RAPSN: variants seen among roughly 807,000 people sequenced by gnomAD.
RAPSN encodes the protein receptor associated protein of the synapse.
In RAPSN, 33 loss-of-function variants were observed where a neutral mutation model predicts 45.7. That is an observed-to-expected ratio of 0.72 (90% CI 0.55 to 0.97). RAPSN has a LOEUF of 0.97. RAPSN is among the 50% of genes least tolerant of loss of function. RAPSN has a pLI of 0.00. For missense variants in RAPSN, 519 were observed against 559.4 expected, an observed-to-expected ratio of 0.93 and a Z score of 0.73; for synonymous variants, 244 against 233.6, an observed-to-expected ratio of 1.04 and a Z score of -0.40.
rs191758880 is a variant in RAPSN at position 47,442,610 on chromosome 11, C to G, written c.690+46G>C. The G allele has an allele frequency of 1.2e-5, 20 of 1,600,606 alleles. No homozygotes were observed. The Admixed American group carries it at 1.5e-4, about 12-fold the overall frequency. The stretch of plus-strand genomic sequence containing the variant: ...TGCTGTCCCAGGCCCCAGCCCCTGG[C>G]CCACACCACCTCATCCCCGACCTGC... On this transcript the variant is annotated intron_variant, in intron 3 of 7. Coordinates refer to ENST00000298854, the MANE Select transcript of RAPSN (RefSeq NM_005055.5).
rs866235694 is a variant in RAPSN at position 47,437,794 on chromosome 11, G to C, written c.*181C>G. 2.7e-6 allele frequency: 2 copies of C among 753,504 alleles called. No individual in the cohort carries two copies. Among genetic ancestry groups the C allele is most frequent in the Admixed American group, 2.2e-5 (1 of 45,412 alleles). The allele number at this position is 753,504 out of a possible 1,614,324, so 46.7% of individuals were successfully genotyped here. ...TACAAACAGTTTATTTTTCTATAAA[G>C]AGCAAAGTACAAAGAGGCAGGGAGG... On this transcript the variant is annotated 3_prime_UTR_variant, in exon 8 of 8. Coordinates refer to ENST00000298854, the MANE Select transcript of RAPSN (RefSeq NM_005055.5).
intron 2 of RAPSN, among the ~76,000 whole-genome samples, chr11:47,447,494 G>T (rs2076416959): frequency 6.6e-6 from 1 of 152,168 alleles, no homozygotes; most frequent in South Asian, 2.1e-4. Context: ...TCTCTCCCAA[G>T]GTTCAGAGAG....
chr11:47,437,827 G>A lies in RAPSN; in HGVS notation c.*148C>T, dbSNP rs1483484292. 5 of 932,318 alleles carry A rather than the reference G, an allele frequency of 5.4e-6. No homozygotes were observed. Among genetic ancestry groups the A allele is most frequent in the Non-Finnish European group, 8.5e-6 (5 of 591,572 alleles). The allele number at this position is 932,318 out of a possible 1,614,324, so 57.8% of individuals were successfully genotyped here. ...TACAAAGAGGCAGGGAGGGGAGCTG[G>A]GCCCAGGGGAGCAGCCCTGGGCAGG... On this transcript the variant is annotated 3_prime_UTR_variant, in exon 8 of 8. Coordinates refer to ENST00000298854, the MANE Select transcript of RAPSN (RefSeq NM_005055.5).
intron 7 of RAPSN, 103 bp downstream of exon 7, chr11:47,438,629 A>T: frequency 7.2e-7 from 1 of 1,388,928 alleles, no homozygotes; most frequent in Non-Finnish European, 9.9e-7. Flanking sequence ...GGCCAAGGTT[A>T]AGTGTTTGCT....
chr11:47,442,399 C>A (rs941465973), intron 3 of RAPSN, among the ~76,000 whole-genome samples: 1 of 152,218 alleles, frequency 6.6e-6, no homozygotes, highest in Non-Finnish European at 1.5e-5. Flanking sequence ...GTGGCTCATG[C>A]CTGGAATCCC....
At chr11:47,444,527 A>C (rs1314657010) in intron 2 of RAPSN, among the ~76,000 whole-genome samples, 1 of 152,030 alleles carries the variant, frequency 6.6e-6, no homozygotes, top group Non-Finnish European at 1.5e-5. Context: ...TGACAGAGCA[A>C]GATCCTGTCT....
chr11:47,438,712 A>T lies in RAPSN; in HGVS notation c.1166+20T>A. On this transcript the variant is annotated intron_variant, in intron 7 of 7. Coordinates refer to ENST00000298854, the MANE Select transcript of RAPSN (RefSeq NM_005055.5). ...GAAGAGATCCTGCCCACCCCTGTCC[A>T]CCCCCCCAGGAGCCCCCACCTGAGG... The T allele has an allele frequency of 6.5e-7, 1 of 1,549,856 alleles. No homozygotes were observed. The highest frequency in any genetic ancestry group is 8.7e-7 in the Non-Finnish European group (1 of 1,144,982).
rs753551147 is a variant in RAPSN, at chr11:47,438,861, C to G, written c.1037G>C (p.Arg346Pro). 1.3e-6 allele frequency: 2 copies of G among 1,567,788 alleles called. No individual in the cohort carries two copies. Among genetic ancestry groups the G allele is most frequent in the Non-Finnish European group, 1.7e-6 (2 of 1,155,808 alleles). ...YRSKGLQRELRAHVVRFHECV... is the reference protein window; with the variant it reads ...YRSKGLQRELPAHVVRFHECV... ...CTCGTGGAACCTCACAACGTGCGCC[C>G]GCAGTTCCCGCTGCAGCCCTTTGCT... The change falls in exon 7 of 8, where the codon CGG becomes CCG. Residue 346 changes from arginine (R) to proline (P), a missense_variant. Physicochemically the swap from Arg to Pro is moderately radical, Grantham distance 103. Coordinates refer to ENST00000298854, the MANE Select transcript of RAPSN (RefSeq NM_005055.5).
At chr11:47,443,697 C>T (rs2076382145) in intron 2 of RAPSN, among the ~76,000 whole-genome samples, 1 of 151,926 alleles carries the variant, frequency 6.6e-6, no homozygotes, top group Admixed American at 6.6e-5. Flanking sequence ...CTTTGGGAGG[C>T]CAAGACAGGA....
At position 47,442,772 on chromosome 11, in the gene RAPSN, G is replaced by C; in HGVS notation, c.574C>G (p.Leu192Val). Residue 192 changes from leucine to valine, a missense_variant, in exon 3 of 8, where the codon CTT (leucine) becomes GTT (valine). By Grantham distance (32) the Leu-to-Val change is conservative. Transcript: ENST00000298854. Reference protein sequence around the residue: ...ALFFPCKAAELVNNYGKGWSL... With the variant: ...ALFFPCKAAEVVNNYGKGWSL... ...CAGCCTTTGCCATAGTTGTTGACAAGCTCTGCCGCCTTGCAGGGGAAGAAC... is the reference window on the plus strand; with the variant it reads ...CAGCCTTTGCCATAGTTGTTGACAACCTCTGCCGCCTTGCAGGGGAAGAAC... The C allele has an allele frequency of 1.2e-6, 2 of 1,614,268 alleles. No individual in the cohort carries two copies. The highest frequency in any genetic ancestry group is 4.5e-5 in the East Asian group (2 of 44,890).
chr11:47,448,452 C>A (rs990167280), intron 1 of RAPSN, among the ~76,000 whole-genome samples: 2 of 151,460 alleles, frequency 1.3e-5, no homozygotes, highest in African/African-American at 4.9e-5. Context: ...AGCCCACACC[C>A]CGCCAGGCTC....
chr11:47,445,391 T>C (rs1319718550), intron 2 of RAPSN, among the ~76,000 whole-genome samples: 2 of 151,196 alleles, frequency 1.3e-5, no homozygotes, highest in Non-Finnish European at 2.9e-5. Context: ...GGTCAAGAGA[T>C]TGAGACCATC....
chr11:47,444,879 A>G (rs2076392803), intron 2 of RAPSN, among the ~76,000 whole-genome samples: 1 of 124,008 alleles, frequency 8.1e-6, no homozygotes, highest in South Asian at 2.9e-4. Flanking sequence ...AAAAAAAAAA[A>G]GTAAATAAAT....
chr11:47,448,809 G>A lies in RAPSN; in HGVS notation c.156C>T (p.Ala52=). ...CCTTGTAGCGGCCCATCTCCGAGTGGGCTGTGACCAGGCAGCCCAGCACGC... is the reference window on the plus strand; with the variant it reads ...CCTTGTAGCGGCCCATCTCCGAGTGAGCTGTGACCAGGCAGCCCAGCACGC... The part of the protein sequence containing the change: ...RFRVLGCLVT[A]HSEMGRYKEM... The change falls in exon 1 of 8, where the codon GCC becomes GCT. Residue 52 remains alanine, a synonymous_variant. Transcript: ENST00000298854. The A allele has an allele frequency of 6.2e-7, 1 of 1,613,100 alleles. No homozygotes were observed. Among genetic ancestry groups the A allele is most frequent in the African/African-American group, 1.3e-5 (1 of 75,054 alleles).
rs760797252 is a variant in RAPSN at position 47,438,712 on chromosome 11, A to AC, written c.1166+19dup. Reference sequence around the variant, plus strand: ...GAAGAGATCCTGCCCACCCCTGTCCACCCCCCCAGGAGCCCCCACCTGAGG... The same window carrying AC: ...GAAGAGATCCTGCCCACCCCTGTCCACCCCCCCCAGGAGCCCCCACCTGAGG... On this transcript the variant is annotated intron_variant, in intron 7 of 7. Coordinates refer to ENST00000298854, the MANE Select transcript of RAPSN (RefSeq NM_005055.5). The AC allele has an allele frequency of 3.5e-5, 54 of 1,549,804 alleles. No homozygotes were observed. The highest frequency in any genetic ancestry group is 4.1e-5 in the African/African-American group (3 of 73,070).
Position 47,448,071 on chromosome 11 carries a change from C to T in RAPSN, c.272G>A (p.Arg91His), listed in dbSNP as rs375218091. The T allele has an allele frequency of 8.1e-6, 13 of 1,613,848 alleles. No homozygotes were observed. Among genetic ancestry groups the T allele is most frequent in the Non-Finnish European group, 9.3e-6 (11 of 1,180,000 alleles). ...AAACTCGCACAGCTTCTCGTTGCTGCGTGCCAGGTTCAGGTAGCTCTCCAG... is the reference window on the plus strand; with the variant it reads ...AAACTCGCACAGCTTCTCGTTGCTGTGTGCCAGGTTCAGGTAGCTCTCCAG... ...FLLESYLNLA[R>H]SNEKLCEFHK... The change falls in exon 2 of 8, where the codon CGC becomes CAC. Residue 91 changes from arginine (R) to histidine (H), a missense_variant. Arg to His is a conservative substitution (Grantham distance 29). Coordinates refer to ENST00000298854, the MANE Select transcript of RAPSN (RefSeq NM_005055.5).
At chr11:47,448,698 A>T in intron 1 of RAPSN, 75 bp downstream of exon 1, 1 of 1,579,492 alleles carries the variant, frequency 6.3e-7, no homozygotes, top group Non-Finnish European at 8.6e-7. Flanking sequence ...GAGGAGGCCG[A>T]GAGGGGACTG....
At chr11:47,445,462 GGC>G (rs2076398128) in intron 2 of RAPSN, among the ~76,000 whole-genome samples, 1 of 151,358 alleles carries the variant, frequency 6.6e-6, no homozygotes. Context: ...TGGGCATAGT[GGC>G]GTGTGCCGGT....
intron 2 of RAPSN, among the ~76,000 whole-genome samples, chr11:47,445,593 C>CTAAAAA (rs2076400030): frequency 1.7e-5 from 1 of 58,330 alleles, no homozygotes; most frequent in Non-Finnish European, 3.1e-5. Context: ...GAGACTGTCT[C>CTAAAAA]AAAAAAAAAA....
Sources: gnomAD v4.1 joint callset for allele counts (sites outside exome capture counted in the v4.1 genomes callset) on GRCh38, gnomAD v4.1.1 for gene constraint, MANE v1.5 for transcripts, NCBI Gene and HGNC (gene_info 2026-07-23, HGNC 2026-07-21) for gene names.